GSN: variants seen among roughly 807,000 people sequenced by gnomAD.
The protein encoded by GSN is gelsolin.
GSN carries 56 observed loss-of-function variants against 85.7 expected under a neutral mutation model. The observed-to-expected ratio is 0.65, with a 90% CI of 0.53 to 0.82. The LOEUF is 0.82. Ranked by LOEUF, GSN falls within the 40% of genes least tolerant of loss-of-function variation. The pLI is 0.00. For synonymous variants in GSN, 373 were observed against 399.1 expected, an observed-to-expected ratio of 0.93 and a Z score of 0.78; for missense variants, 857 against 979.8, an observed-to-expected ratio of 0.87 and a Z score of 1.67.
chr9:121,331,466 T>C lies in GSN; in HGVS notation c.2026+18T>C, dbSNP rs1554827330. 14 of 887,852 alleles carry C rather than the reference T, an allele frequency of 1.6e-5. No individual in the cohort carries two copies. Among genetic ancestry groups the C allele is most frequent in the Non-Finnish European group, 2.3e-5 (14 of 599,166 alleles). 55.0% of individuals were successfully genotyped at this position (887,852 alleles called of 1,614,324 possible). On this transcript the variant is annotated intron_variant, in intron 17 of 17. Transcript: ENST00000432226. Reference sequence around the variant, plus strand: ...GACTTCTGGTGAGGACCCGAGTGCCTGGGGGCGGGGGGAGGGGTCCGTTGC... The same window carrying C: ...GACTTCTGGTGAGGACCCGAGTGCCCGGGGGCGGGGGGAGGGGTCCGTTGC...
Position 121,239,961 on chromosome 9 carries a change from G to T in GSN, c.-388-8315G>T, listed in dbSNP as rs2054570654. On this transcript the variant is annotated intron_variant, in intron 5 of 24. Transcript: ENST00000373823. ...GATACTGTGATGTATGTAAGGCAAGGCTGGGAGAGGTAGTTCCAACTAACT... is the reference window on the plus strand; with the variant it reads ...GATACTGTGATGTATGTAAGGCAAGTCTGGGAGAGGTAGTTCCAACTAACT... 2.5e-5 allele frequency: 4 copies of T among 160,396 alleles called. No homozygotes were observed. In the South Asian group the frequency reaches 7.1e-4, roughly 28 times the overall value. The allele number at this position is 160,396 out of a possible 1,614,324, so 9.9% of individuals were successfully genotyped here. A position where few individuals can be genotyped will look rare whatever the true frequency, so the allele number is the denominator to read the frequency against.
Position 121,318,006 on chromosome 9 carries a change from C to T in GSN, c.887-400C>T, listed in dbSNP as rs1564546616. ...GAGCTCCTTGGCACGGGAATGCCCT[C>T]AGGGTGGCAGCTTCTCACTCACTGA... On this transcript the variant is annotated intron_variant, in intron 8 of 17. Transcript: ENST00000432226. This position sits in a 1 kb window ranked among gnomAD's most constrained non-coding sequence, Gnocchi z 4.3. 3.5e-6 allele frequency: 1 copy of T among 283,454 alleles called. No homozygotes were observed. Among genetic ancestry groups the T allele is most frequent in the East Asian group, 8.9e-5 (1 of 11,184 alleles). 17.6% of individuals were successfully genotyped at this position (283,454 alleles called of 1,614,324 possible). A position where few individuals can be genotyped will look rare whatever the true frequency, so the allele number is the denominator to read the frequency against.
At chr9:121,278,542 G>A (rs1588643433) in intron 1 of GSN, among the ~76,000 whole-genome samples, 1 of 152,318 alleles carries the variant, frequency 6.6e-6, no homozygotes, top group South Asian at 2.1e-4. Flanking sequence ...CATCGGGCGA[G>A]CTCTCTCCCC....
Position 121,290,610 on chromosome 9 carries a change from G to C in GSN, c.-10+9048G>C, listed in dbSNP as rs148391139. On this transcript the variant is annotated intron_variant, in intron 2 of 17. Coordinates refer to ENST00000432226, the MANE Select transcript of GSN (RefSeq NM_198252.3). ...TAACGCGATGTTATGAATACATTTAGATAGTAAAAAGGTTACTATAGTGCA... is the reference window on the plus strand; with the variant it reads ...TAACGCGATGTTATGAATACATTTACATAGTAAAAAGGTTACTATAGTGCA... Among the ~76,000 whole-genome samples, 1,127 of 152,240 alleles carry C rather than the reference G, an allele frequency of 7.4e-3. 19 individuals carry two copies. Among genetic ancestry groups the C allele is most frequent in the African/African-American group, 0.026 (1,083 of 41,522 alleles).
chr9:121,294,864 T>G (rs2059059582), intron 2 of GSN, among the ~76,000 whole-genome samples: 1 of 152,200 alleles, frequency 6.6e-6, no homozygotes, highest in African/African-American at 2.4e-5. Flanking sequence ...TAATGAACAC[T>G]GCTGCTAATA....
intron 6 of GSN, among the ~76,000 whole-genome samples, chr9:121,252,317 G>T (rs2054856251): frequency 6.6e-6 from 1 of 152,194 alleles, no homozygotes; most frequent in South Asian, 2.1e-4. Flanking sequence ...GATGGTTCAA[G>T]GACACGCTTG....
chr9:121,252,164 T>C (rs2054852783), intron 6 of GSN, among the ~76,000 whole-genome samples: 1 of 152,168 alleles, frequency 6.6e-6, no homozygotes, highest in Non-Finnish European at 1.5e-5. Context: ...GAAGGGTCAA[T>C]TCATTTTACC....
chr9:121,313,598 A>G, intron 6 of GSN: 1 of 382,326 alleles, frequency 2.6e-6, no homozygotes, highest in Non-Finnish European at 5.0e-6. Flanking sequence ...GGCTGCGAGG[A>G]TGCAGTGACA....
chr9:121,254,935 TTTTA>T (rs1217721070), intron 6 of GSN, among the ~76,000 whole-genome samples: 1 of 132,334 alleles, frequency 7.6e-6, no homozygotes, highest in Non-Finnish European at 1.7e-5. Context: ...TATATCTTCA[TTTTA>T]TTTATTTATT....
chr9:121,240,317 GATTCAACTCATAACA>G (rs745522966), intron 5 of GSN, among the ~76,000 whole-genome samples: 4 of 152,154 alleles, frequency 2.6e-5, no homozygotes, highest in South Asian at 4.1e-4. Flanking sequence ...AGGGGTTGGG[GATTCAACTCATAACA>G]ATTCAACTCA....
At chr9:121,282,468 C>G in intron 2 of GSN, 1 of 1,272,184 alleles carries the variant, frequency 7.9e-7, no homozygotes, top group Non-Finnish European at 1.0e-6. Context: ...ACAGGACTTA[C>G]GCGTCTGCTG....
chr9:121,283,209 G>GC, intron 2 of GSN: 1 of 162,838 alleles, frequency 6.1e-6, no homozygotes. Flanking sequence ...TTCAGTTAGG[G>GC]CCCCTCCTCT....
chr9:121,302,241 A>G (rs2059959972), intron 3 of GSN, 74 bp downstream of exon 3: 4 of 1,515,362 alleles, frequency 2.6e-6, no homozygotes, highest in Admixed American at 1.7e-5. Context: ...CATGGTCCCC[A>G]GGGAGGGAAC....
At position 121,245,654 on chromosome 9, in the gene GSN, C is replaced by G. The variant is rs140740866; in HGVS notation, c.-388-2622C>G. On this transcript the variant is annotated intron_variant, in intron 5 of 24. Coordinates refer to the GSN transcript ENST00000373823. ...GGGATTATAGGCATGAACCACTGAG[C>G]TTTGTCCCTTTTATCTTTAGAAAAC... Among the ~76,000 whole-genome samples the G allele has an allele frequency of 4.8e-3, 739 of 152,372 alleles. 3 individuals carry two copies. Among genetic ancestry groups the G allele is most frequent in the Non-Finnish European group, 8.0e-3 (542 of 68,038 alleles).
chr9:121,332,725 CTTTTT>C lies in GSN; in HGVS notation c.*132_*136del. The stretch of plus-strand genomic sequence containing the variant: ...GTGTGTGTGTGTGTGTGTGTTGTTT[CTTTTT>C]TTTTTTTTTACAGTATCCAAAAATA... On this transcript the variant is annotated 3_prime_UTR_variant, in exon 18 of 18. Transcript: ENST00000432226. The surrounding 1 kb of genome is among the most constrained non-coding windows in gnomAD (Gnocchi z 4.8). 1 of 602,494 alleles carries C rather than the reference CTTTTT, an allele frequency of 1.7e-6. No individual in the cohort carries two copies. The highest frequency in any genetic ancestry group is 2.8e-6 in the Non-Finnish European group (1 of 357,916). 37.3% of individuals were successfully genotyped at this position (602,494 alleles called of 1,614,324 possible).
chr9:121,291,416 C>CTTT (rs10615868), intron 2 of GSN, among the ~76,000 whole-genome samples: 1 of 103,882 alleles, frequency 9.6e-6, no homozygotes, highest in African/African-American at 3.8e-5. Context: ...CCCCACTGGA[C>CTTT]TTTTTTTTTT....
chr9:121,328,993 CCAA>C lies in GSN; in HGVS notation c.1869_1871del (p.Asn623del). On this transcript the variant is annotated inframe_deletion, in exon 15 of 18. Transcript: ENST00000432226. Reference sequence around the variant, plus strand: ...CATCCTCCTCGCCTCTTTGCCTGCTCCAACAAGATTGGACGTTTTGTGGTGAGC... The same window carrying C: ...CATCCTCCTCGCCTCTTTGCCTGCTCCAAGATTGGACGTTTTGTGGTGAGC... 1 of 1,613,960 alleles carries C rather than the reference CCAA, an allele frequency of 6.2e-7. No homozygotes were observed. The highest frequency in any genetic ancestry group is 1.3e-5 in the African/African-American group (1 of 75,050).
intron 5 of GSN, among the ~76,000 whole-genome samples, chr9:121,233,314 A>G (rs2054430268): frequency 6.6e-6 from 1 of 151,962 alleles, no homozygotes; most frequent in Admixed American, 6.6e-5. Context: ...AAATACAAAA[A>G]ATTAGTCGGG....
At chr9:121,301,436 G>A (rs1236598064) in intron 2 of GSN, among the ~76,000 whole-genome samples, 1 of 152,148 alleles carries the variant, frequency 6.6e-6, no homozygotes, top group African/African-American at 2.4e-5. Context: ...AGACCAGCCT[G>A]ACCAACATGG....
Sources: gnomAD v4.1 joint callset for allele counts (sites outside exome capture counted in the v4.1 genomes callset) on GRCh38, gnomAD v4.1.1 for gene constraint, Gnocchi (gnomAD v3.1) non-coding constraint, MANE v1.5 for transcripts, NCBI Gene and HGNC (gene_info 2026-07-23, HGNC 2026-07-21) for gene names.